The following CNOT6L variants were observed in gnomAD, a reference collection of about 807,000 sequenced individuals.
The protein encoded by CNOT6L is CCR4-NOT transcription complex subunit 6-like.
CNOT6L carries 7 observed loss-of-function variants against 64.0 expected under a neutral mutation model. That is an observed-to-expected ratio of 0.11 (90% CI 0.06 to 0.21). The LOEUF (loss-of-function observed/expected upper bound fraction) is 0.21. CNOT6L is among the 10% of genes least tolerant of loss of function. CNOT6L has a pLI of 1.00. For synonymous variants in CNOT6L, 193 were observed against 243.4 expected (o/e 0.79, Z 1.93); for missense variants, 245 against 669.0 (o/e 0.37, Z 6.99).
chr4:77,749,781 A>G (rs1430137478), intron 5 of CNOT6L, among the ~76,000 whole-genome samples: 1 of 152,224 alleles, frequency 6.6e-6, no homozygotes, highest in Non-Finnish European at 1.5e-5. Flanking sequence ...GGCGATAAAC[A>G]GCATGTACAG....
chr4:77,715,611 T>C lies in CNOT6L; in HGVS notation c.*4820A>G, dbSNP rs982343265. 1 of 152,328 alleles carries C rather than the reference T, an allele frequency of 6.6e-6. No homozygotes were observed. The highest frequency in any genetic ancestry group is 2.4e-5 in the African/African-American group (1 of 41,428). The allele number at this position is 152,328 out of a possible 1,614,324, so 9.4% of individuals were successfully genotyped here. ...TCCTGGTGTAGGACCTGGGGTTTAA[T>C]AGAGACATTTACATAAAAAAGGTAT... On this transcript the variant is annotated 3_prime_UTR_variant, in exon 12 of 12. Coordinates refer to ENST00000504123, the MANE Select transcript of CNOT6L (RefSeq NM_144571.3).
At chr4:77,772,552 A>G (rs1727683195) in intron 4 of CNOT6L, among the ~76,000 whole-genome samples, 1 of 152,190 alleles carries the variant, frequency 6.6e-6, no homozygotes, top group Admixed American at 6.5e-5. Context: ...AAAAACAACC[A>G]AAAAATTTTC....
At chr4:77,819,375 A>G (rs561257231), upstream of CNOT6L, 35 of 1,569,410 alleles carry the variant, frequency 2.2e-5, no homozygotes, top group East Asian at 1.2e-4. Flanking sequence ...ACACACAAAC[A>G]CGCGCGCGCG....
chr4:77,785,893 G>A (rs1374180197), intron 1 of CNOT6L, among the ~76,000 whole-genome samples: 1 of 152,184 alleles, frequency 6.6e-6, no homozygotes, highest in Non-Finnish European at 1.5e-5. Context: ...CTTAAAGAAT[G>A]AACAGGAATC....
intron 8 of CNOT6L, among the ~76,000 whole-genome samples, chr4:77,733,029 G>A (rs1577926336): frequency 6.6e-6 from 1 of 152,092 alleles, no homozygotes; most frequent in East Asian, 1.9e-4. Flanking sequence ...GTTTCAAAAT[G>A]TGTCCTATAG....
intron 1 of CNOT6L, among the ~76,000 whole-genome samples, chr4:77,780,390 T>C (rs1393436677): frequency 6.6e-6 from 1 of 152,210 alleles, no homozygotes; most frequent in Non-Finnish European, 1.5e-5. Flanking sequence ...GATCCTCCCA[T>C]TACATCAACC....
chr4:77,791,130 T>C (rs1215765712), intron 1 of CNOT6L, among the ~76,000 whole-genome samples: 1 of 151,878 alleles, frequency 6.6e-6, no homozygotes, highest in African/African-American at 2.4e-5. Context: ...ATAAAAAAAT[T>C]AGCCAGGCAT....
chr4:77,745,195 T>C (rs1000739622), intron 6 of CNOT6L, among the ~76,000 whole-genome samples: 1 of 152,170 alleles, frequency 6.6e-6, no homozygotes, highest in Non-Finnish European at 1.5e-5. Flanking sequence ...TTTAAATGAG[T>C]GGAACAAAAG....
At chr4:77,756,515 A>G (rs1213491818) in intron 5 of CNOT6L, among the ~76,000 whole-genome samples, 1 of 152,220 alleles carries the variant, frequency 6.6e-6, no homozygotes, top group African/African-American at 2.4e-5. Flanking sequence ...TGTGATTAAG[A>G]GCAAGATAAT....
chr4:77,720,890 A>G (rs1450601234), intron 11 of CNOT6L, among the ~76,000 whole-genome samples: 1 of 152,194 alleles, frequency 6.6e-6, no homozygotes, highest in Non-Finnish European at 1.5e-5. Context: ...TTGAGAAGCT[A>G]AACACATTAA....
At chr4:77,787,192 G>A (rs541054194) in intron 1 of CNOT6L, among the ~76,000 whole-genome samples, 36 of 152,206 alleles carry the variant, frequency 2.4e-4, no homozygotes, top group African/African-American at 8.7e-4. Flanking sequence ...CTTGAACCTG[G>A]GAGGTGGAGA....
Position 77,794,764 on chromosome 4 carries a change from G to A in CNOT6L, c.6-18372C>T, listed in dbSNP as rs935481800. On this transcript the variant is annotated intron_variant, in intron 1 of 11. Transcript: ENST00000504123. ...TTGAAGTTTACACCAGACACCAGAA[G>A]TTCTAGCCCATGCAATCAAGCAAGA... Among the ~76,000 whole-genome samples, 14 of 152,198 alleles carry A rather than the reference G, an allele frequency of 9.2e-5. No homozygotes were observed. The East Asian group carries it at 2.5e-3, about 27-fold the overall frequency.
chr4:77,783,577 G>T (rs1729126634), intron 1 of CNOT6L, among the ~76,000 whole-genome samples: 1 of 152,190 alleles, frequency 6.6e-6, no homozygotes, highest in South Asian at 2.1e-4. Context: ...AAGGATGAGG[G>T]TGATGAATAA....
rs33932934 is a variant in CNOT6L, at chr4:77,738,753, C to CA, written c.872+3387dup. On this transcript the variant is annotated intron_variant, in intron 8 of 11. Coordinates refer to ENST00000504123, the MANE Select transcript of CNOT6L (RefSeq NM_144571.3). ...GGGCAACAAGAGTGAAACTCCGTCTCAAAAAAAAAAAAAAAAAATGTATTT... is the reference window on the plus strand; with the variant it reads ...GGGCAACAAGAGTGAAACTCCGTCTCAAAAAAAAAAAAAAAAAAATGTATTT... Among the ~76,000 whole-genome samples, 331 of 114,164 alleles carry CA rather than the reference C, an allele frequency of 2.9e-3. 16 individuals are homozygous for CA. Among genetic ancestry groups the CA allele is most frequent in the Middle Eastern group, 4.7e-3 (1 of 212 alleles). The allele number at this position is 114,164 out of a possible 152,430, so 74.9% of individuals were successfully genotyped here.
chr4:77,781,154 G>T (rs375657389), intron 1 of CNOT6L, among the ~76,000 whole-genome samples: 41 of 152,128 alleles, frequency 2.7e-4, no homozygotes, highest in Middle Eastern at 3.4e-3. Context: ...CACAGGGAGG[G>T]GAATATCACA....
chr4:77,728,936 A>G lies in CNOT6L; in HGVS notation c.1170T>C (p.Ser390=). The stretch of plus-strand genomic sequence containing the variant: ...CTGCAGTTGGGCTTCCAGGCCTACT[A>G]GAGGCTTTCTCCAGAATGTTTTTAA... ...SEVKNILEKA[S]SRPGSPTADP... The change falls in exon 10 of 12, where the codon TCT becomes TCC. Residue 390 remains serine, a synonymous_variant. Transcript: ENST00000504123. The G allele has an allele frequency of 1.9e-6, 3 of 1,613,892 alleles. No homozygotes were observed. The highest frequency in any genetic ancestry group is 2.5e-6 in the Non-Finnish European group (3 of 1,179,784).
chr4:77,777,372 T>C (rs950097464), intron 1 of CNOT6L, among the ~76,000 whole-genome samples: 17 of 152,242 alleles, frequency 1.1e-4, no homozygotes, highest in African/African-American at 4.1e-4. Context: ...CACATAACTA[T>C]ACTGTGCCAT....
chr4:77,802,035 G>A (rs1731643350), intron 1 of CNOT6L, among the ~76,000 whole-genome samples: 1 of 152,120 alleles, frequency 6.6e-6, no homozygotes, highest in African/African-American at 2.4e-5. Context: ...AAATATAACA[G>A]TTTATACATA....
chr4:77,784,800 G>T (rs1729257150), intron 1 of CNOT6L, among the ~76,000 whole-genome samples: 1 of 151,884 alleles, frequency 6.6e-6, no homozygotes, highest in African/African-American at 2.4e-5. Flanking sequence ...CCACTTTTTT[G>T]ATTTAGTTTC....
Sources: allele counts gnomAD v4.1 joint callset (sites outside exome capture counted in the v4.1 genomes callset), GRCh38; gene constraint gnomAD v4.1.1; transcripts MANE v1.5; gene names NCBI Gene and HGNC (gene_info 2026-07-23, HGNC 2026-07-21).